The following DNAL1 variants were observed in gnomAD, a reference collection of about 807,000 sequenced individuals.
The protein encoded by DNAL1 is chromosome 14 open reading frame 168.
Under a neutral mutation model 29.4 loss-of-function variants are expected in DNAL1, and 17 were observed. The observed-to-expected ratio is 0.58, with a 90% CI of 0.40 to 0.87. The LOEUF is 0.87. DNAL1 is among the 40% of genes least tolerant of loss of function. The pLI is 0.00. For synonymous variants in DNAL1, 78 were observed against 76.3 expected, an observed-to-expected ratio of 1.02 and a Z score of -0.12; for missense variants, 188 against 214.1, an observed-to-expected ratio of 0.88 and a Z score of 0.76.
At position 73,677,222 on chromosome 14, in the gene DNAL1, G is replaced by A. The variant is rs371820745; in HGVS notation, c.264+5625G>A. 2.1e-4 allele frequency among the ~76,000 whole-genome samples: 32 copies of A among 151,984 alleles called. No homozygotes were observed. The South Asian group carries it at 5.8e-3, about 28-fold the overall frequency. On this transcript the variant is annotated intron_variant, in intron 5 of 7. Transcript: ENST00000553645. ...CCTGACCTCGTGATCTGCCCGCCTC[G>A]GCCTCCCGAAGTGCTGGGATTACAG...
At chr14:73,671,700 T>G (rs1198755020) in intron 5 of DNAL1, 103 bp downstream of exon 5, 54 of 1,231,732 alleles carry the variant, frequency 4.4e-5, no homozygotes, top group Non-Finnish European at 5.4e-5. Context: ...TCAAAAGGTA[T>G]CAGTTTCTTT....
At chr14:73,662,826 T>TG (rs1491116193) in intron 4 of DNAL1, among the ~76,000 whole-genome samples, 103 of 133,898 alleles carry the variant, frequency 7.7e-4, no homozygotes, top group Middle Eastern at 3.6e-3. Flanking sequence ...TTTTTTTTTT[T>TG]GCCATATAAG....
chr14:73,671,473 T>A, intron 4 of DNAL1, 69 bp from the exon 5 acceptor site: 1 of 1,327,232 alleles, frequency 7.5e-7, no homozygotes, highest in Non-Finnish European at 9.8e-7. Context: ...AAAGCTTTAT[T>A]ATTCTAGATT....
intron 4 of DNAL1, among the ~76,000 whole-genome samples, chr14:73,664,758 C>A (rs1891436068): frequency 6.6e-6 from 1 of 151,830 alleles, no homozygotes; most frequent in African/African-American, 2.4e-5. Context: ...GTAGTCCCAG[C>A]TACTTAGGAG....
At chr14:73,690,298 G>T (rs1316381619) in intron 7 of DNAL1, among the ~76,000 whole-genome samples, 1 of 152,002 alleles carries the variant, frequency 6.6e-6, no homozygotes, top group Non-Finnish European at 1.5e-5. Flanking sequence ...TTGGTGCTGA[G>T]CCTCCTCCTT....
intron 4 of DNAL1, among the ~76,000 whole-genome samples, chr14:73,669,245 A>C (rs1891559904): frequency 6.6e-6 from 1 of 152,024 alleles, no homozygotes; most frequent in Non-Finnish European, 1.5e-5. Context: ...AGCCTCCCTG[A>C]GTAGCTAGGC....
rs77525446 is a variant in DNAL1 at position 73,652,766 on chromosome 14, A to G, written c.4-2081A>G. Reference sequence around the variant, plus strand: ...TACTTTGCCAAATGTGTGAACGCCTATCTCATTTGTTTTCTATCTCTTATT... The same window carrying G: ...TACTTTGCCAAATGTGTGAACGCCTGTCTCATTTGTTTTCTATCTCTTATT... On this transcript the variant is annotated intron_variant, in intron 1 of 7. Transcript: ENST00000553645. Among the ~76,000 whole-genome samples the G allele has an allele frequency of 5.8e-3, 889 of 152,106 alleles. 12 individuals are homozygous for G. The highest frequency in any genetic ancestry group is 0.02 in the African/African-American group (835 of 41,508).
chr14:73,654,364 C>A (rs950843704), intron 1 of DNAL1, among the ~76,000 whole-genome samples: 5 of 152,100 alleles, frequency 3.3e-5, no homozygotes, highest in Non-Finnish European at 5.9e-5. Flanking sequence ...ATTAAAACGT[C>A]CTCTTTGCAT....
intron 1 of DNAL1, among the ~76,000 whole-genome samples, chr14:73,652,782 A>C (rs190491601): frequency 1.3e-5 from 2 of 151,872 alleles, no homozygotes; most frequent in East Asian, 1.9e-4. Context: ...TTTGTTTTCT[A>C]TCTCTTATTT....
intron 5 of DNAL1, among the ~76,000 whole-genome samples, chr14:73,674,259 T>G (rs1284976248): frequency 6.6e-6 from 1 of 152,196 alleles, no homozygotes; most frequent in African/African-American, 2.4e-5. Context: ...CCTGAGAATC[T>G]TTATACTTGG....
At chr14:73,677,884 T>TATATTTGTG (rs1555402397) in intron 5 of DNAL1, among the ~76,000 whole-genome samples, 3 of 96,126 alleles carry the variant, frequency 3.1e-5, no homozygotes, top group Non-Finnish European at 6.6e-5. Flanking sequence ...ATATATATAT[T>TATATTTGTG]TGTGTGTGTG....
rs532256546 is a variant in DNAL1 at position 73,661,954 on chromosome 14, T to C, written c.153-33T>C. 63 of 1,452,646 alleles carry C rather than the reference T, an allele frequency of 4.3e-5. 1 individual carries two copies. In the South Asian group the frequency reaches 7.7e-4, roughly 18 times the overall value. The allele number at this position is 1,452,646 out of a possible 1,614,324, so 90.0% of individuals were successfully genotyped here. On this transcript the variant is annotated intron_variant, in intron 3 of 7. Coordinates refer to ENST00000553645, the MANE Select transcript of DNAL1 (RefSeq NM_031427.4). ...AATTTCTGATTTACCATTTACATTT[T>C]TCACATTAAATTTTTTCTTTGTTCT...
chr14:73,669,103 A>AT (rs997844208), intron 4 of DNAL1, among the ~76,000 whole-genome samples: 58 of 149,998 alleles, frequency 3.9e-4, no homozygotes, highest in African/African-American at 1.3e-3. Flanking sequence ...TTACCCCTTT[A>AT]TTTTTTTTTA....
Position 73,696,910 on chromosome 14 carries a change from G to T in DNAL1, c.*968G>T, listed in dbSNP as rs1220333643. 3 of 152,140 alleles carry T rather than the reference G, an allele frequency of 2.0e-5. No homozygotes were observed. Among genetic ancestry groups the T allele is most frequent in the Admixed American group, 6.5e-5 (1 of 15,270 alleles). The allele number at this position is 152,140 out of a possible 1,614,324, so 9.4% of individuals were successfully genotyped here. ...CTTAGTATTTCAAAATATATTTTTT[G>T]AGAAGTTCTAAGTTAAACAGCTCTT... is the stretch of plus-strand genomic sequence containing the variant. On this transcript the variant is annotated 3_prime_UTR_variant, in exon 8 of 8. Transcript: ENST00000553645.
chr14:73,666,201 A>G (rs1401584409), intron 4 of DNAL1, among the ~76,000 whole-genome samples: 2 of 152,184 alleles, frequency 1.3e-5, no homozygotes, highest in African/African-American at 2.4e-5. Flanking sequence ...TTATGCCATC[A>G]TAAGAAGATC....
chr14:73,684,509 C>T (rs1891965275), intron 5 of DNAL1, among the ~76,000 whole-genome samples: 1 of 152,084 alleles, frequency 6.6e-6, no homozygotes, highest in African/African-American at 2.4e-5. Context: ...TAAATCACAT[C>T]CCCACAACAA....
intron 5 of DNAL1, among the ~76,000 whole-genome samples, chr14:73,679,765 T>C (rs191754199): frequency 2.7e-3 from 406 of 150,398 alleles, no homozygotes; most frequent in African/African-American, 9.1e-3. Flanking sequence ...ATAGAAGGTC[T>C]TAGGTACTAG....
chr14:73,667,252 A>G (rs1377439911), intron 4 of DNAL1, among the ~76,000 whole-genome samples: 3 of 151,812 alleles, frequency 2.0e-5, no homozygotes, highest in Non-Finnish European at 4.4e-5. Flanking sequence ...ACTTGAGGCT[A>G]GGACTTCAAG....
intron 2 of DNAL1, among the ~76,000 whole-genome samples, chr14:73,656,455 A>T (rs1452365740): frequency 7.0e-6 from 1 of 142,082 alleles, no homozygotes; most frequent in East Asian, 2.0e-4. Flanking sequence ...TTTTTTTGAG[A>T]CAGTGTCTCG....
Sources: allele counts gnomAD v4.1 joint callset (sites outside exome capture counted in the v4.1 genomes callset), GRCh38; gene constraint gnomAD v4.1.1; transcripts MANE v1.5; gene names NCBI Gene and HGNC (gene_info 2026-07-23, HGNC 2026-07-21).